Variants in TLK1 observed in about 807,000 individuals in gnomAD.
TLK1 encodes the protein serine/threonine-protein kinase tousled-like 1.
Under a neutral mutation model 105.3 loss-of-function variants are expected in TLK1, and 24 were observed. That is an observed-to-expected ratio of 0.23 (90% CI 0.17 to 0.32). TLK1 has a LOEUF of 0.32. Among genes scored for constraint, TLK1 ranks in the 10% least tolerant of loss-of-function variants. The pLI is 1.00. For missense variants in TLK1, 558 were observed against 910.5 expected, an observed-to-expected ratio of 0.61 and a Z score of 4.98; for synonymous variants, 321 against 310.4, an observed-to-expected ratio of 1.03 and a Z score of -0.36.
chr2:171,062,638 AC>A (rs1255331396), intron 3 of TLK1, among the ~76,000 whole-genome samples: 4 of 152,178 alleles, frequency 2.6e-5, no homozygotes, highest in African/African-American at 9.7e-5. Flanking sequence ...ATATTAAGTA[AC>A]CTACTCAAGG....
intron 11 of TLK1, among the ~76,000 whole-genome samples, chr2:171,037,257 C>A (rs1035509911): frequency 7.9e-5 from 12 of 151,948 alleles, no homozygotes; most frequent in African/African-American, 2.7e-4. Flanking sequence ...GCCTGACCAA[C>A]ATGGAGAAAC....
chr2:171,001,560 T>C (rs538892365), intron 18 of TLK1, among the ~76,000 whole-genome samples: 1 of 152,310 alleles, frequency 6.6e-6, no homozygotes, highest in South Asian at 2.1e-4. Flanking sequence ...AGCAGCTTTA[T>C]AGCTAAGGGC....
chr2:171,014,360 G>A (rs1409616692), intron 13 of TLK1, among the ~76,000 whole-genome samples: 1 of 151,776 alleles, frequency 6.6e-6, no homozygotes, highest in Non-Finnish European at 1.5e-5. Context: ...AAATGAAGAA[G>A]CAGAGACTTT....
chr2:171,003,070 C>A (rs1045131729), intron 18 of TLK1, among the ~76,000 whole-genome samples: 1 of 151,658 alleles, frequency 6.6e-6, no homozygotes, highest in African/African-American at 2.4e-5. Flanking sequence ...GTCAGGAGAT[C>A]AAGACCATCC....
intron 1 of TLK1, among the ~76,000 whole-genome samples, chr2:171,122,595 G>T (rs111330141): frequency 4.0e-5 from 6 of 151,778 alleles, no homozygotes; most frequent in African/African-American, 1.5e-4. Context: ...GTCTTTGCTG[G>T]CCAACAGGCA....
At chr2:171,103,881 C>T (rs1306025521) in intron 2 of TLK1, among the ~76,000 whole-genome samples, 1 of 152,086 alleles carries the variant, frequency 6.6e-6, no homozygotes, top group Non-Finnish European at 1.5e-5. Flanking sequence ...AAAGCTTCAC[C>T]AAAAAGCTGT....
At position 171,046,202 on chromosome 2, in the gene TLK1, G is replaced by A. The variant is rs745917590; in HGVS notation, c.1141C>T (p.Pro381Ser). The change falls in exon 11 of 21, where the codon CCC becomes TCC. Residue 381 changes from proline to serine, a missense_variant. This residue lies in a region of TLK1 where 218 missense variants were observed against 492.9 expected (regional missense o/e 0.44). Transcript: ENST00000431350. Reference protein sequence around the residue: ...NKAVNGAENDPFVRPNLPQLL... With the variant: ...NKAVNGAENDSFVRPNLPQLL... ...TGTGGTAAATTTGGTCTAACAAAGG[G>A]ATCATTCTCTGCTCCATTGACTGCT... 1 of 1,600,788 alleles carries A rather than the reference G, an allele frequency of 6.2e-7. No homozygotes were observed. The highest frequency in any genetic ancestry group is 8.5e-7 in the Non-Finnish European group (1 of 1,175,690).
At chr2:171,171,535 A>AAC in intron 1 of TLK1, among the ~76,000 whole-genome samples, 1 of 152,214 alleles carries the variant, frequency 6.6e-6, no homozygotes, top group Middle Eastern at 3.4e-3. Context: ...AGTGAAGGCA[A>AAC]ACACAGAGCG....
At chr2:171,148,245 G>GT (rs970107802) in intron 1 of TLK1, among the ~76,000 whole-genome samples, 12 of 152,154 alleles carry the variant, frequency 7.9e-5, no homozygotes, top group African/African-American at 2.2e-4. Context: ...CCTATATTGT[G>GT]TTTTTTTGTG....
At chr2:171,152,993 T>A (rs1242331553) in intron 1 of TLK1, among the ~76,000 whole-genome samples, 1 of 152,138 alleles carries the variant, frequency 6.6e-6, no homozygotes, top group Non-Finnish European at 1.5e-5. Flanking sequence ...TGTATTTTTT[T>A]AAATCTTATC....
intron 12 of TLK1, among the ~76,000 whole-genome samples, chr2:171,018,399 G>T (rs1685308797): frequency 6.6e-6 from 1 of 152,234 alleles, no homozygotes; most frequent in Non-Finnish European, 1.5e-5. Context: ...ATACTGTCTA[G>T]CACCTTGTCC....
intron 4 of TLK1, among the ~76,000 whole-genome samples, chr2:171,059,631 A>T (rs970939375): frequency 6.6e-6 from 1 of 152,184 alleles, no homozygotes; most frequent in Non-Finnish European, 1.5e-5. Flanking sequence ...TGGAATGGAC[A>T]TATGACCAAT....
chr2:171,080,280 T>C (rs575964567), intron 3 of TLK1, among the ~76,000 whole-genome samples: 2 of 151,256 alleles, frequency 1.3e-5, no homozygotes, highest in African/African-American at 4.8e-5. Context: ...CTGTAGTAAA[T>C]TGGAGAATGG....
In TLK1 at chr2:171,222,327, T is replaced by TGTTA. The variant is rs1553491195; in HGVS notation, c.-6+8817_-6+8818insTAAC. On this transcript the variant is annotated intron_variant, in intron 1 of 20. Coordinates refer to the TLK1 transcript ENST00000521943. ...CAAAACCTACTATTTCCTAATTCTT[T>TGTTA]TTTATTTATTTATTTATTTATTTTT... 2.6e-5 allele frequency among the ~76,000 whole-genome samples: 4 copies of TGTTA among 152,080 alleles called. No individual in the cohort carries two copies. In the South Asian group the frequency reaches 6.2e-4, roughly 24 times the overall value.
intron 2 of TLK1, among the ~76,000 whole-genome samples, chr2:171,099,315 C>G (rs1689589484): frequency 6.6e-6 from 1 of 152,004 alleles, no homozygotes; most frequent in Non-Finnish European, 1.5e-5. Context: ...AAATGCAAGA[C>G]TTATACAGTA....
chr2:171,096,051 A>G (rs1191238214), intron 2 of TLK1, among the ~76,000 whole-genome samples: 1 of 152,210 alleles, frequency 6.6e-6, no homozygotes, highest in East Asian at 1.9e-4. Flanking sequence ...AAAAAAGAAT[A>G]CAAGCCATCC....
intron 1 of TLK1, among the ~76,000 whole-genome samples, chr2:171,190,681 A>G (rs555739290): frequency 1.3e-5 from 2 of 152,334 alleles, no homozygotes; most frequent in South Asian, 4.1e-4. Context: ...TCAAAATGTG[A>G]AATCTTTATA....
chr2:171,194,175 C>T (rs374387101), intron 1 of TLK1, among the ~76,000 whole-genome samples: 1 of 152,272 alleles, frequency 6.6e-6, no homozygotes, highest in African/African-American at 2.4e-5. Context: ...GCCTTATTCA[C>T]ATTAATCTGT....
intron 3 of TLK1, among the ~76,000 whole-genome samples, chr2:171,082,393 CAG>C (rs1688795381): frequency 6.6e-6 from 1 of 151,884 alleles, no homozygotes; most frequent in Non-Finnish European, 1.5e-5. Context: ...ATGTGTATCT[CAG>C]AAAGTACACA....
Sources: allele counts gnomAD v4.1 joint callset (sites outside exome capture counted in the v4.1 genomes callset), GRCh38; gene constraint gnomAD v4.1.1; regional missense constraint gnomAD v4.1.1; transcripts MANE v1.5; gene names NCBI Gene and HGNC (gene_info 2026-07-23, HGNC 2026-07-21).